The following PALMD variants were observed in gnomAD, a reference collection of about 807,000 sequenced individuals.
The protein encoded by PALMD is palmdelphin.
PALMD carries 42 observed loss-of-function variants against 56.2 expected under a neutral mutation model. The ratio of observed to expected loss-of-function variants is 0.75; its 90% CI spans 0.58 to 0.97. The LOEUF (loss-of-function observed/expected upper bound fraction) is 0.97, where lower values mean the gene tolerates loss of function less well. Among genes scored for constraint, PALMD ranks in the 50% least tolerant of loss-of-function variants. PALMD has a pLI of 0.00. For missense variants in PALMD, 660 were observed against 643.8 expected, an observed-to-expected ratio of 1.03 and a Z score of -0.27; for synonymous variants, 242 against 222.9, an observed-to-expected ratio of 1.09 and a Z score of -0.76.
intron 3 of PALMD, chr1:99,686,062 C>G (rs979942410): frequency 2.0e-5 from 3 of 151,838 alleles, no homozygotes; most frequent in Non-Finnish European, 4.4e-5. Context: ...CCTCTATAAA[C>G]AGCAGCAGTT....
intron 7 of PALMD, 167 bp downstream of exon 7, chr1:99,690,039 T>C (rs1258623187): frequency 7.2e-6 from 4 of 554,308 alleles, no homozygotes; most frequent in Non-Finnish European, 1.2e-5. Flanking sequence ...GTAAAGTGAT[T>C]AAGTCACTTC....
chr1:99,649,126 T>C (rs563593864), intron 1 of PALMD, among the ~76,000 whole-genome samples: 47 of 152,302 alleles, frequency 3.1e-4, no homozygotes, highest in Non-Finnish European at 5.6e-4. Flanking sequence ...ATACCAAATA[T>C]AGATTCTATT....
rs1325525066 is a variant in PALMD, at chr1:99,676,293, T to C, written c.251+8527T>C. ...ATGGCTGGTTCTAAGGCAGTTCTTC[T>C]TCTTCCTTTTTTTTAAGGACACCAG... On this transcript the variant is annotated intron_variant, in intron 3 of 7. Coordinates refer to ENST00000263174, the MANE Select transcript of PALMD (RefSeq NM_017734.5). Among the ~76,000 whole-genome samples, 6 of 152,190 alleles carry C rather than the reference T, an allele frequency of 3.9e-5. No homozygotes were observed. In the East Asian group the frequency reaches 1.2e-3, roughly 29 times the overall value.
At chr1:99,653,791 A>C (rs1489332860) in intron 1 of PALMD, among the ~76,000 whole-genome samples, 1 of 152,150 alleles carries the variant, frequency 6.6e-6, no homozygotes, top group Non-Finnish European at 1.5e-5. Context: ...GAGTTCTGAC[A>C]TAATGTACCA....
At chr1:99,654,873 G>A (rs1652684496) in intron 1 of PALMD, among the ~76,000 whole-genome samples, 1 of 152,050 alleles carries the variant, frequency 6.6e-6, no homozygotes, top group African/African-American at 2.4e-5. Context: ...TAAGGAATTA[G>A]CTGGGTTTTC....
intron 3 of PALMD, 93 bp from the exon 4 acceptor site, chr1:99,686,583 T>A: frequency 3.1e-6 from 2 of 639,962 alleles, no homozygotes; most frequent in Non-Finnish European, 5.5e-6. Context: ...TACATGCATA[T>A]TCCAAGGAAA....
At position 99,689,803 on chromosome 1, in the gene PALMD, A is replaced by G. The variant is rs201369463; in HGVS notation, c.1543A>G (p.Ser515Gly). 37 of 1,613,572 alleles carry G rather than the reference A, an allele frequency of 2.3e-5. No individual in the cohort carries two copies. The highest frequency in any genetic ancestry group is 3.0e-5 in the Non-Finnish European group (35 of 1,179,850). The change falls in exon 7 of 8, where the codon AGC becomes GGC. Residue 515 changes from serine to glycine, a missense_variant. Coordinates refer to ENST00000263174, the MANE Select transcript of PALMD (RefSeq NM_017734.5). Reference sequence around the variant, plus strand: ...GAAAGAGCAAGAAGAAAGCTTAGGCAGCCCTGTCCACCATTCCCCATTTGA... The same window carrying G: ...GAAAGAGCAAGAAGAAAGCTTAGGCGGCCCTGTCCACCATTCCCCATTTGA... ...SLKEQEESLGSPVHHSPFDAQ... is the reference protein window; with the variant it reads ...SLKEQEESLGGPVHHSPFDAQ...
chr1:99,675,789 A>G (rs1380882707), intron 3 of PALMD, among the ~76,000 whole-genome samples: 2 of 152,186 alleles, frequency 1.3e-5, no homozygotes, highest in East Asian at 1.9e-4. Context: ...TGAAACCCTC[A>G]ATTTGCAAAA....
intron 1 of PALMD, among the ~76,000 whole-genome samples, chr1:99,648,636 C>T (rs2100851071): frequency 6.6e-6 from 1 of 151,512 alleles, no homozygotes; most frequent in East Asian, 1.9e-4. Context: ...CCAGACATAG[C>T]AACACATAGA....
At chr1:99,663,941 C>T (rs557575423) in intron 2 of PALMD, among the ~76,000 whole-genome samples, 43 of 152,142 alleles carry the variant, frequency 2.8e-4, no homozygotes, top group Non-Finnish European at 5.7e-4. Context: ...TGATCCAATC[C>T]AATCAAAACA....
At chr1:99,667,591 T>C (rs1404449923) in intron 2 of PALMD, 51 bp from the exon 3 acceptor site, 16 of 1,516,476 alleles carry the variant, frequency 1.1e-5, no homozygotes, top group Middle Eastern at 1.7e-4. Flanking sequence ...TAAGAGATTT[T>C]GGAAATTATT....
rs145661619 is a variant in PALMD at position 99,691,693 on chromosome 1, A to C, written c.1612+1821A>C. 5.3e-5 allele frequency among the ~76,000 whole-genome samples: 8 copies of C among 152,246 alleles called. 1 individual carries two copies. The highest frequency in any genetic ancestry group is 5.2e-4 in the Admixed American group (8 of 15,282). ...AACCACCTACGTACTTCCATTTCAC[A>C]AACACCAAGTGGGTTGAGCTTCTCC... On this transcript the variant is annotated intron_variant, in intron 7 of 7. Coordinates refer to ENST00000263174, the MANE Select transcript of PALMD (RefSeq NM_017734.5).
chr1:99,650,975 G>A (rs775640633), intron 1 of PALMD, among the ~76,000 whole-genome samples: 66 of 152,218 alleles, frequency 4.3e-4, no homozygotes, highest in Non-Finnish European at 8.4e-4. Context: ...AGTGGCCAAA[G>A]AATGCATAAT....
At chr1:99,661,833 G>A (rs11166288) in intron 1 of PALMD, among the ~76,000 whole-genome samples, 1,629 of 152,274 alleles carry the variant, frequency 0.011, 30 homozygotes, top group African/African-American at 0.037. Flanking sequence ...AGCAGGCTAT[G>A]CAAGGAGGAA....
chr1:99,670,917 AC>A (rs981352693), intron 3 of PALMD, among the ~76,000 whole-genome samples: 14 of 152,210 alleles, frequency 9.2e-5, no homozygotes, highest in African/African-American at 3.4e-4. Context: ...AAACAAAAAA[AC>A]AAATCAGGTG....
chr1:99,667,849 T>C (rs1185207842), intron 3 of PALMD, 83 bp downstream of exon 3: 1 of 1,242,412 alleles, frequency 8.0e-7, no homozygotes, highest in Non-Finnish European at 1.1e-6. Flanking sequence ...ATTCTCACTT[T>C]CAGGGGCATA....
At position 99,689,120 on chromosome 1, in the gene PALMD, T is replaced by C; in HGVS notation, c.860T>C (p.Ile287Thr). The change falls in exon 7 of 8, where the codon ATA becomes ACA. Residue 287 changes from isoleucine to threonine, a missense_variant. Ile to Thr is a moderately conservative substitution (Grantham distance 89). Transcript: ENST00000263174. ...VTPGPNFQER[I>T]KIKTNGLGIG... ...CCTGGACCAAACTTTCAAGAAAGGA[T>C]AAAGATTAAAACTAATGGACTGGGT... 1 of 1,613,062 alleles carries C rather than the reference T, an allele frequency of 6.2e-7. No homozygotes were observed. The highest frequency in any genetic ancestry group is 8.5e-7 in the Non-Finnish European group (1 of 1,179,640).
chr1:99,655,021 C>G (rs1431260521), intron 1 of PALMD, among the ~76,000 whole-genome samples: 1 of 152,090 alleles, frequency 6.6e-6, no homozygotes, highest in Non-Finnish European at 1.5e-5. Context: ...ATGATCTAAA[C>G]TATGCAGTAT....
At chr1:99,648,927 G>A (rs1361978663) in intron 1 of PALMD, among the ~76,000 whole-genome samples, 1 of 147,106 alleles carries the variant, frequency 6.8e-6, no homozygotes, top group East Asian at 2.0e-4. Flanking sequence ...TTAAGTAGTT[G>A]AAATGTGACA....
Sources: allele counts gnomAD v4.1 joint callset (sites outside exome capture counted in the v4.1 genomes callset), GRCh38; gene constraint gnomAD v4.1.1; transcripts MANE v1.5; gene names NCBI Gene and HGNC (gene_info 2026-07-23, HGNC 2026-07-21).